The following AZU1 variants were observed in gnomAD, a reference collection of about 807,000 sequenced individuals.
AZU1 encodes azurocidin 1, also known as azurocidin.
A neutral mutation model predicts 17.8 loss-of-function variants in AZU1; 21 were observed. The ratio of observed to expected loss-of-function variants is 1.18; its 90% CI spans 0.84 to 1.70. AZU1 has a LOEUF of 1.70. AZU1 is among the 40% of genes most tolerant of loss of function. The pLI, the probability that AZU1 is intolerant of heterozygous loss-of-function variation, is 0.00. For synonymous variants in AZU1, 178 were observed against 155.2 expected (o/e 1.15, Z -1.09); for missense variants, 379 against 362.9 (o/e 1.04, Z -0.36).
intron 3 of AZU1, 122 bp from the exon 4 acceptor site, chr19:830,586 G>T: frequency 1.1e-6 from 1 of 887,888 alleles, no homozygotes; most frequent in South Asian, 2.1e-5. Context: ...GGCCCCTGCC[G>T]GGAATTAAAC....
chr19:831,715 G>A lies in AZU1; in HGVS notation c.595-1G>A, dbSNP rs1415759813. 6.2e-7 allele frequency: 1 copy of A among 1,600,706 alleles called. No individual in the cohort carries two copies. The highest frequency in any genetic ancestry group is 1.1e-5 in the South Asian group (1 of 89,360). On this transcript the variant is annotated splice_acceptor_variant, in intron 4 of 4. Transcript: ENST00000233997. LOFTEE classifies it high-confidence loss of function. ...CCCTGACACAGCTGCTGCCTGCCCA[G>A]GGGGACGGGGGCACCCCCCTCGTCT...
At chr19:828,765 G>T (rs2035246533) in intron 2 of AZU1, among the ~76,000 whole-genome samples, 1 of 111,398 alleles carries the variant, frequency 9.0e-6, no homozygotes, top group Non-Finnish European at 1.9e-5. Context: ...TGGAGGAGGT[G>T]CAGAGAAGGG....
chr19:830,702 C>A lies in AZU1; in HGVS notation c.361-6C>A. On this transcript the variant is annotated splice_polypyrimidine_tract_variant and splice_region_variant and intron_variant, in intron 3 of 4. Transcript: ENST00000233997. Reference sequence around the variant, plus strand: ...CACCCTCCCCTGACTCCATTTCCTTCCCCAGCTGGACCGTGAGGCCAACCT... The same window carrying A: ...CACCCTCCCCTGACTCCATTTCCTTACCCAGCTGGACCGTGAGGCCAACCT... 1 of 1,550,782 alleles carries A rather than the reference C, an allele frequency of 6.4e-7. No homozygotes were observed. Among genetic ancestry groups the A allele is most frequent in the East Asian group, 2.3e-5 (1 of 44,394 alleles).
rs113510125 is a variant in AZU1 at position 828,332 on chromosome 19, G to C, written c.161G>C (p.Gly54Ala). 54 of 1,610,686 alleles carry C rather than the reference G, an allele frequency of 3.4e-5. No individual in the cohort carries two copies. In the African/African-American group the frequency reaches 3.9e-4, roughly 12 times the overall value. The change falls in exon 2 of 5, where the codon GGT (glycine) becomes GCT (alanine). Residue 54 changes from glycine to alanine, a missense_variant. Physicochemically the swap from Gly to Ala is moderately conservative, Grantham distance 60. Transcript: ENST00000233997. Reference protein sequence around the residue: ...IQNQGRHFCGGALIHARFVMT... With the variant: ...IQNQGRHFCGAALIHARFVMT... Reference sequence around the variant, plus strand: ...AATCAAGGCAGGCACTTCTGCGGGGGTGCCCTGATCCATGCCCGCTTCGTG... The same window carrying C: ...AATCAAGGCAGGCACTTCTGCGGGGCTGCCCTGATCCATGCCCGCTTCGTG...
Position 830,772 on chromosome 19 carries a change from C to T in AZU1, c.425C>T (p.Thr142Met), listed in dbSNP as rs147872987. The T allele has an allele frequency of 1.8e-4, 287 of 1,604,236 alleles. 1 individual carries two copies. Among genetic ancestry groups the T allele is most frequent in the Admixed American group, 8.3e-5 (5 of 59,970 alleles). Reference sequence around the variant, plus strand: ...CTGCCACTGCCTCTGCAGAACGCCACGGTGGAAGCCGGCACCAGATGCCAG... The same window carrying T: ...CTGCCACTGCCTCTGCAGAACGCCATGGTGGAAGCCGGCACCAGATGCCAG... Reference protein sequence around the residue: ...TILPLPLQNATVEAGTRCQVA... With the variant: ...TILPLPLQNAMVEAGTRCQVA... Residue 142 changes from threonine (T) to methionine (M), a missense_variant, in exon 4 of 5, where the codon ACG becomes ATG. Physicochemically the swap from Thr to Met is moderately conservative, Grantham distance 81. Transcript: ENST00000233997.
chr19:827,880 G>T lies in AZU1; in HGVS notation c.34G>T (p.Gly12Cys). The T allele has an allele frequency of 6.5e-7, 1 of 1,537,372 alleles. No homozygotes were observed. Among genetic ancestry groups the T allele is most frequent in the Non-Finnish European group, 8.7e-7 (1 of 1,147,452 alleles). ...TRLTVLALLA[G>C]LLASSRAGSS... is the part of the protein sequence containing the mutation. ...GCTGACAGTCCTGGCCCTGCTGGCT[G>T]GTCTGCTGGCGTCCTCGAGGGCCGG... The change falls in exon 1 of 5, where the codon GGT (glycine) becomes TGT (cysteine). Residue 12 changes from glycine to cysteine, a missense_variant. Physicochemically the swap from Gly to Cys is radical, Grantham distance 159 (BLOSUM62 -3). Coordinates refer to ENST00000233997, the MANE Select transcript of AZU1 (RefSeq NM_001700.5).
intron 3 of AZU1, 84 bp downstream of exon 3, chr19:829,790 A>C: frequency 2.0e-6 from 3 of 1,502,520 alleles, no homozygotes; most frequent in East Asian, 4.8e-5. Context: ...TGGTCTCTAC[A>C]AAAAAATACA....
Position 829,602 on chromosome 19 carries a change from C to A in AZU1, c.256C>A (p.Leu86Met). 6.2e-7 allele frequency: 1 copy of A among 1,613,374 alleles called. No individual in the cohort carries two copies. The highest frequency in any genetic ancestry group is 2.2e-5 in the East Asian group (1 of 44,874). The change falls in exon 3 of 5, where the codon CTG becomes ATG. Residue 86 changes from leucine to methionine, a missense_variant. By Grantham distance (15) the Leu-to-Met change is conservative. Coordinates refer to ENST00000233997, the MANE Select transcript of AZU1 (RefSeq NM_001700.5). ...CACCGTGGTGCTGGGTGCCTATGACCTGAGGCGGCGGGAGAGGCAGTCCCG... is the reference window on the plus strand; with the variant it reads ...CACCGTGGTGCTGGGTGCCTATGACATGAGGCGGCGGGAGAGGCAGTCCCG... Reference protein sequence around the residue: ...VSTVVLGAYDLRRRERQSRQT... With the variant: ...VSTVVLGAYDMRRRERQSRQT...
chr19:829,087 G>T (rs1287218162), intron 2 of AZU1, among the ~76,000 whole-genome samples: 1 of 104,386 alleles, frequency 9.6e-6, no homozygotes, highest in Non-Finnish European at 2.0e-5. Flanking sequence ...GGCTCAGATG[G>T]GGGAGGCGCA....
chr19:828,056 G>A (rs1003607412), intron 1 of AZU1, 152 bp downstream of exon 1: 39 of 1,381,236 alleles, frequency 2.8e-5, no homozygotes, highest in African/African-American at 5.7e-5. Flanking sequence ...GCGTGAGGGC[G>A]GACGGTGTGC....
At chr19:829,785 T>C in intron 3 of AZU1, 79 bp downstream of exon 3, 1 of 1,536,998 alleles carries the variant, frequency 6.5e-7, no homozygotes, top group Non-Finnish European at 8.8e-7. Context: ...AAACTTGGTC[T>C]CTACAAAAAA....
intron 4 of AZU1, 35 bp from the exon 5 acceptor site, chr19:831,681 C>T (rs2035289279): frequency 1.3e-6 from 2 of 1,551,668 alleles, no homozygotes; most frequent in African/African-American, 1.4e-5. Context: ...GGAGCCAGGC[C>T]CTGGGACGCC....
At chr19:831,341 G>C (rs1264774697) in intron 4 of AZU1, 1 of 326,942 alleles carries the variant, frequency 3.1e-6, no homozygotes, top group Admixed American at 4.6e-5. Flanking sequence ...GCCTCCCAAA[G>C]TGTTAGGATA....
intron 1 of AZU1, 135 bp from the exon 2 acceptor site, chr19:828,095 G>A: frequency 7.5e-7 from 1 of 1,327,860 alleles, no homozygotes; most frequent in South Asian, 1.3e-5. Flanking sequence ...GTCCTCTTAG[G>A]GAGTGGGACG....
chr19:828,898 C>A (rs1200257711), intron 2 of AZU1, among the ~76,000 whole-genome samples: 2 of 124,968 alleles, frequency 1.6e-5, no homozygotes, highest in Non-Finnish European at 3.2e-5. Flanking sequence ...GGAGGAGGTG[C>A]AGAGAAGGGA....
Position 831,748 on chromosome 19 carries a change from C to T in AZU1, c.627C>T (p.Gly209=). ...GGGGCACCCCCCTCGTCTGCGAGGG[C>T]CTGGCCCACGGCGTGGCCTCCTTTT... The part of the protein sequence containing the change: ...GDGGTPLVCE[G]LAHGVASFSL... The change falls in exon 5 of 5, where the codon GGC becomes GGT. Residue 209 remains glycine (G), a synonymous_variant. Transcript: ENST00000233997. 1 of 1,611,638 alleles carries T rather than the reference C, an allele frequency of 6.2e-7. No homozygotes were observed. Among genetic ancestry groups the T allele is most frequent in the East Asian group, 2.2e-5 (1 of 44,862 alleles).
intron 4 of AZU1, 147 bp downstream of exon 4, chr19:831,088 T>C: frequency 1.4e-6 from 1 of 736,406 alleles, no homozygotes; most frequent in Non-Finnish European, 2.1e-6. Flanking sequence ...ATCTTTTTTT[T>C]TTTTTTTGAG....
intron 4 of AZU1, 28 bp from the exon 5 acceptor site, chr19:831,688 C>A (rs749132355): frequency 6.4e-7 from 1 of 1,562,470 alleles, no homozygotes; most frequent in South Asian, 1.2e-5. Context: ...GGCCCTGGGA[C>A]GCCCTGACAC....
chr19:829,936 A>ATGTGTG (rs59995493), intron 3 of AZU1, among the ~76,000 whole-genome samples: 5,310 of 137,790 alleles, frequency 0.039, 219 homozygotes, highest in African/African-American at 0.1. Context: ...AAAAATATAT[A>ATGTGTG]TGTGTGTGTG....
Sources: allele counts gnomAD v4.1 joint callset (sites outside exome capture counted in the v4.1 genomes callset), GRCh38; gene constraint gnomAD v4.1.1; transcripts MANE v1.5; gene names NCBI Gene and HGNC (gene_info 2026-07-23, HGNC 2026-07-21).